The following ZBTB16 variants were observed in gnomAD, a reference collection of about 807,000 sequenced individuals.
ZBTB16 encodes the protein zinc finger and BTB domain-containing protein 16.
In ZBTB16, 8 loss-of-function variants were observed where a neutral mutation model predicts 56.8. The ratio of observed to expected loss-of-function variants is 0.14; its 90% CI spans 0.08 to 0.25. The LOEUF (loss-of-function observed/expected upper bound fraction) is 0.25, where lower values mean the gene tolerates loss of function less well. Among genes scored for constraint, ZBTB16 ranks in the 10% least tolerant of loss-of-function variants. The pLI, the probability that ZBTB16 is intolerant of heterozygous loss-of-function variation, is 1.00. For synonymous variants in ZBTB16, 363 were observed against 368.5 expected (o/e 0.98, Z 0.17); for missense variants, 625 against 903.0 (o/e 0.69, Z 3.95).
chr11:114,247,273 T>C lies in ZBTB16; in HGVS notation c.1700T>C (p.Ile567Thr). ...AGCACACTCAAGAGCCACAAACGCATCCACACGGGTGAGAAACCCTACGAG... is the reference window on the plus strand; with the variant it reads ...AGCACACTCAAGAGCCACAAACGCACCCACACGGGTGAGAAACCCTACGAG... ...DESTLKSHKR[I>T]HTGEKPYECN... The change falls in exon 6 of 7, where the codon ATC becomes ACC. Residue 567 changes from isoleucine (I) to threonine (T), a missense_variant. Ile to Thr is a moderately conservative substitution (Grantham distance 89). This residue lies in a region of ZBTB16 where 140 missense variants were observed against 214.8 expected (regional missense o/e 0.65). Transcript: ENST00000335953. 1 of 1,614,190 alleles carries C rather than the reference T, an allele frequency of 6.2e-7. No individual in the cohort carries two copies.
chr11:114,089,196 A>G (rs1940085029), intron 2 of ZBTB16, among the ~76,000 whole-genome samples: 2 of 152,110 alleles, frequency 1.3e-5, no homozygotes, highest in Non-Finnish European at 1.5e-5. Context: ...GGGCTTTCCT[A>G]TGGATGATGT....
At chr11:114,102,475 G>GTT (rs1940646705) in intron 2 of ZBTB16, among the ~76,000 whole-genome samples, 1 of 152,170 alleles carries the variant, frequency 6.6e-6, no homozygotes, top group Non-Finnish European at 1.5e-5. Flanking sequence ...CATCACAGCA[G>GTT]TGGTAACAGT....
At chr11:114,097,434 C>A (rs1940457825) in intron 2 of ZBTB16, among the ~76,000 whole-genome samples, 1 of 152,034 alleles carries the variant, frequency 6.6e-6, no homozygotes, top group African/African-American at 2.4e-5. Context: ...GATCTGTACA[C>A]TTAGAATCTT....
chr11:114,199,847 G>T (rs928951427), intron 4 of ZBTB16, among the ~76,000 whole-genome samples: 1 of 152,138 alleles, frequency 6.6e-6, no homozygotes, highest in African/African-American at 2.4e-5. Context: ...ATACATGTGG[G>T]GCCGGGCACG....
intron 2 of ZBTB16, among the ~76,000 whole-genome samples, chr11:114,088,333 G>A (rs570496922): frequency 4.9e-4 from 74 of 151,988 alleles, no homozygotes; most frequent in African/African-American, 1.6e-3. Context: ...GTAGAGATGC[G>A]GTTTCGCCAT....
intron 2 of ZBTB16, among the ~76,000 whole-genome samples, chr11:114,095,347 G>A (rs570992777): frequency 4.2e-4 from 55 of 130,564 alleles, no homozygotes; most frequent in Non-Finnish European, 1.2e-4. Flanking sequence ...TGCAACCTCC[G>A]CCTCCCAGGT....
intron 3 of ZBTB16, among the ~76,000 whole-genome samples, chr11:114,167,964 C>T (rs1942837556): frequency 6.6e-6 from 1 of 152,240 alleles, no homozygotes. Context: ...TAGGATGTGT[C>T]TGTCTGGGCA....
At position 114,120,023 on chromosome 11, in the gene ZBTB16, T is replaced by C. The variant is rs76700602; in HGVS notation, c.1269-36314T>C. Reference sequence around the variant, plus strand: ...AGAAAGATTGCAGAGTCTTCTCTAATGATTACAAGAAGGACAGAGTCCTGG... The same window carrying C: ...AGAAAGATTGCAGAGTCTTCTCTAACGATTACAAGAAGGACAGAGTCCTGG... On this transcript the variant is annotated intron_variant, in intron 2 of 6. Transcript: ENST00000335953. Among the ~76,000 whole-genome samples the C allele has an allele frequency of 2.6e-5, 4 of 152,322 alleles. No individual in the cohort carries two copies. In the East Asian group the frequency reaches 5.8e-4, roughly 22 times the overall value.
At chr11:114,108,182 G>C (rs1940867289) in intron 2 of ZBTB16, among the ~76,000 whole-genome samples, 1 of 152,020 alleles carries the variant, frequency 6.6e-6, no homozygotes, top group Non-Finnish European at 1.5e-5. Flanking sequence ...TGGTCTTTTG[G>C]TGCCTGCATT....
intron 2 of ZBTB16, among the ~76,000 whole-genome samples, chr11:114,118,575 T>C (rs983861295): frequency 7.9e-5 from 12 of 152,182 alleles, no homozygotes; most frequent in African/African-American, 2.9e-4. Context: ...TATTTACCTA[T>C]CTATCAGTCA....
chr11:114,093,239 A>G (rs1225571863), intron 2 of ZBTB16, among the ~76,000 whole-genome samples: 1 of 151,744 alleles, frequency 6.6e-6, no homozygotes, highest in Non-Finnish European at 1.5e-5. Flanking sequence ...GTGGCACAGA[A>G]TGGTTCAATT....
chr11:114,244,109 G>A (rs911759322), intron 5 of ZBTB16, among the ~76,000 whole-genome samples: 6 of 152,142 alleles, frequency 3.9e-5, no homozygotes, highest in Admixed American at 2.6e-4. Context: ...TTAATATTCC[G>A]TTGTTCTTGG....
At chr11:114,175,819 A>T (rs1158484803) in intron 3 of ZBTB16, among the ~76,000 whole-genome samples, 1 of 152,008 alleles carries the variant, frequency 6.6e-6, no homozygotes, top group African/African-American at 2.4e-5. Flanking sequence ...GTCATTTGGC[A>T]GGAGTGTCAG....
chr11:114,095,261 T>TC, intron 2 of ZBTB16, among the ~76,000 whole-genome samples: 1 of 136,626 alleles, frequency 7.3e-6, no homozygotes, highest in Non-Finnish European at 1.6e-5. Context: ...TTTTTTTTTT[T>TC]TTTTTTTTTT....
At chr11:114,091,847 G>A (rs4938073) in intron 2 of ZBTB16, among the ~76,000 whole-genome samples, 24,221 of 151,902 alleles carry the variant, frequency 0.16, 2,102 homozygotes, top group Middle Eastern at 0.26. Context: ...CTCCTAAGCC[G>A]GTCAAGCAGT....
In ZBTB16 at chr11:114,107,109, C is replaced by T. The variant is rs185932199; in HGVS notation, c.1268+42541C>T. 2.5e-3 allele frequency among the ~76,000 whole-genome samples: 385 copies of T among 152,194 alleles called. 4 individuals are homozygous for T. Among genetic ancestry groups the T allele is most frequent in the Middle Eastern group, 0.014 (4 of 294 alleles). On this transcript the variant is annotated intron_variant, in intron 2 of 6. Transcript: ENST00000335953. ...TGCTAGAGTGATCCCAGCCACGAGGCGCCAGGGCCCTGGTGATCGCTCTGA... is the reference window on the plus strand; with the variant it reads ...TGCTAGAGTGATCCCAGCCACGAGGTGCCAGGGCCCTGGTGATCGCTCTGA...
chr11:114,199,910 T>C (rs1194143223), intron 4 of ZBTB16, among the ~76,000 whole-genome samples: 2 of 152,036 alleles, frequency 1.3e-5, no homozygotes, highest in South Asian at 2.1e-4. Flanking sequence ...GGGCGGATCA[T>C]GAGGTCAGGA....
chr11:114,111,521 A>C (rs368472023), intron 2 of ZBTB16, among the ~76,000 whole-genome samples: 1 of 152,196 alleles, frequency 6.6e-6, no homozygotes, highest in Non-Finnish European at 1.5e-5. Context: ...TCATGAAATG[A>C]CGCTAAATAA....
intron 3 of ZBTB16, among the ~76,000 whole-genome samples, chr11:114,164,152 G>A (rs1214985901): frequency 6.6e-6 from 1 of 152,246 alleles, no homozygotes; most frequent in Non-Finnish European, 1.5e-5. Context: ...AACACAGGCT[G>A]TTGAATTTTG....
Sources: allele counts gnomAD v4.1 joint callset (sites outside exome capture counted in the v4.1 genomes callset), GRCh38; gene constraint gnomAD v4.1.1; regional missense constraint gnomAD v4.1.1; transcripts MANE v1.5; gene names NCBI Gene and HGNC (gene_info 2026-07-23, HGNC 2026-07-21).